SRBD1: variants seen among roughly 807,000 people sequenced by gnomAD.
SRBD1 encodes S1 RNA binding domain 1.
In SRBD1, 88 loss-of-function variants were observed where a neutral mutation model predicts 115.3. The ratio of observed to expected loss-of-function variants is 0.76; its 90% CI spans 0.64 to 0.91. The LOEUF (loss-of-function observed/expected upper bound fraction) is 0.91. SRBD1 is among the 40% of genes least tolerant of loss of function. The pLI is 0.00. For missense variants in SRBD1, 1,385 were observed against 1,177.4 expected, an observed-to-expected ratio of 1.18 and a Z score of -2.58; for synonymous variants, 509 against 407.7, an observed-to-expected ratio of 1.25 and a Z score of -2.99.
chr2:45,389,428 G>GA lies in SRBD1; in HGVS notation c.2869dup (p.Ser957PhefsTer25). 1 of 1,613,934 alleles carries GA rather than the reference G, an allele frequency of 6.2e-7. No individual in the cohort carries two copies. The highest frequency in any genetic ancestry group is 8.5e-7 in the Non-Finnish European group (1 of 1,179,936). ...AAGGCTTCTTCTCTTCTTTGTTTTTGAAAGTTTTGCTTCTGTTACATTTCG... is the reference window on the plus strand; with the variant it reads ...AAGGCTTCTTCTCTTCTTTGTTTTTGAAAAGTTTTGCTTCTGTTACATTTCG... On this transcript the variant is annotated frameshift_variant, in exon 21 of 21. Transcript: ENST00000263736. LOFTEE classifies it high-confidence loss of function.
chr2:45,493,068 C>T (rs1473801210), intron 14 of SRBD1, among the ~76,000 whole-genome samples: 2 of 152,182 alleles, frequency 1.3e-5, no homozygotes, highest in Non-Finnish European at 2.9e-5. Flanking sequence ...GCATCTTCCC[C>T]TTTTCCTTCC....
At chr2:45,439,156 C>A (rs925118709) in intron 16 of SRBD1, among the ~76,000 whole-genome samples, 1 of 151,528 alleles carries the variant, frequency 6.6e-6, no homozygotes, top group Non-Finnish European at 1.5e-5. Context: ...TTAAAGATAA[C>A]GGAAAAGGGA....
chr2:45,473,893 T>C (rs1461036311), intron 16 of SRBD1, among the ~76,000 whole-genome samples: 1 of 152,196 alleles, frequency 6.6e-6, no homozygotes, highest in African/African-American at 2.4e-5. Context: ...CTCCATACTA[T>C]TTCAATTTTA....
At chr2:45,400,485 A>T (rs1479806425) in intron 19 of SRBD1, among the ~76,000 whole-genome samples, 1 of 152,132 alleles carries the variant, frequency 6.6e-6, no homozygotes, top group Non-Finnish European at 1.5e-5. Flanking sequence ...ACAGGAGAGA[A>T]ACCAGCATTT....
intron 16 of SRBD1, among the ~76,000 whole-genome samples, chr2:45,468,476 C>T (rs1042629362): frequency 6.6e-6 from 1 of 150,816 alleles, no homozygotes; most frequent in Admixed American, 6.6e-5. Flanking sequence ...CAGCCTTTAT[C>T]TTCCGGGCCC....
chr2:45,493,822 A>AAAAT (rs1558432403), intron 14 of SRBD1, among the ~76,000 whole-genome samples: 25 of 151,652 alleles, frequency 1.6e-4, no homozygotes, highest in African/African-American at 6.1e-4. Flanking sequence ...AAAAAAAAAA[A>AAAAT]AAAATAAAAT....
At chr2:45,416,852 C>T (rs2103626043) in intron 18 of SRBD1, among the ~76,000 whole-genome samples, 1 of 152,142 alleles carries the variant, frequency 6.6e-6, no homozygotes, top group East Asian at 1.9e-4. Context: ...GATCTCGGCT[C>T]ACTGCAACCT....
chr2:45,596,538 T>C (rs888455736), intron 4 of SRBD1, among the ~76,000 whole-genome samples: 1 of 152,230 alleles, frequency 6.6e-6, no homozygotes, highest in South Asian at 2.1e-4. Context: ...AATTTCTCAG[T>C]AAGTTTTAAC....
chr2:45,473,384 T>C (rs1186467179), intron 16 of SRBD1, among the ~76,000 whole-genome samples: 1 of 152,192 alleles, frequency 6.6e-6, no homozygotes. Flanking sequence ...TTATAGATTT[T>C]AAAAACTATC....
chr2:45,601,834 G>A (rs886983110), intron 3 of SRBD1, 69 bp downstream of exon 3: 1 of 1,572,006 alleles, frequency 6.4e-7, no homozygotes, highest in Non-Finnish European at 8.6e-7. Context: ...CTACTCTGTA[G>A]AATAAGAAAA....
intron 16 of SRBD1, among the ~76,000 whole-genome samples, chr2:45,432,626 G>A (rs925867430): frequency 6.6e-6 from 1 of 152,162 alleles, no homozygotes; most frequent in Non-Finnish European, 1.5e-5. Flanking sequence ...AAGCAAGAGG[G>A]CCTGAGGGCT....
At chr2:45,457,874 C>A (rs111912868) in intron 16 of SRBD1, among the ~76,000 whole-genome samples, 5 of 151,928 alleles carry the variant, frequency 3.3e-5, no homozygotes, top group African/African-American at 1.2e-4. Flanking sequence ...AAAAACAGTA[C>A]AAACACAATG....
intron 4 of SRBD1, among the ~76,000 whole-genome samples, chr2:45,591,909 C>G (rs570893489): frequency 1.3e-5 from 2 of 152,158 alleles, no homozygotes; most frequent in Non-Finnish European, 2.9e-5. Flanking sequence ...GTATGACCTT[C>G]CAGTGTGATA....
At chr2:45,502,055 A>T (rs1368897833) in intron 14 of SRBD1, among the ~76,000 whole-genome samples, 1 of 152,168 alleles carries the variant, frequency 6.6e-6, no homozygotes, top group Non-Finnish European at 1.5e-5. Context: ...GGGCAGACTG[A>T]CACCTCACAC....
chr2:45,444,768 C>G (rs1668771579), intron 16 of SRBD1, among the ~76,000 whole-genome samples: 1 of 152,160 alleles, frequency 6.6e-6, no homozygotes, highest in Non-Finnish European at 1.5e-5. Context: ...TAATGCTCTT[C>G]TGCACTGGCA....
At chr2:45,395,710 G>T (rs887883389) in intron 19 of SRBD1, among the ~76,000 whole-genome samples, 5 of 152,158 alleles carry the variant, frequency 3.3e-5, no homozygotes, top group African/African-American at 1.2e-4. Context: ...ACAGACAGAG[G>T]AACTGTAAAA....
At chr2:45,606,830 C>T (rs1159730811) in intron 1 of SRBD1, among the ~76,000 whole-genome samples, 1 of 152,202 alleles carries the variant, frequency 6.6e-6, no homozygotes, top group Non-Finnish European at 1.5e-5. Context: ...ATAAGGACTA[C>T]ACTAGGCTCT....
chr2:45,523,168 A>G (rs764861150), intron 14 of SRBD1, among the ~76,000 whole-genome samples: 16 of 152,164 alleles, frequency 1.1e-4, no homozygotes, highest in Middle Eastern at 6.8e-3. Context: ...CCAAAACTTA[A>G]GAAATAAAAC....
intron 14 of SRBD1, among the ~76,000 whole-genome samples, chr2:45,507,720 C>CA (rs921988918): frequency 1.6e-4 from 24 of 150,198 alleles, no homozygotes; most frequent in South Asian, 4.2e-4. Flanking sequence ...AACTCCGTCT[C>CA]AAAAAAAACA....
Sources: allele counts gnomAD v4.1 joint callset (sites outside exome capture counted in the v4.1 genomes callset), GRCh38; gene constraint gnomAD v4.1.1; transcripts MANE v1.5; gene names NCBI Gene and HGNC (gene_info 2026-07-23, HGNC 2026-07-21).